The following LAT variants were observed in gnomAD, a reference collection of about 807,000 sequenced individuals.
The protein encoded by LAT is linker for activation of T-cells family member 1.
In LAT, 12 loss-of-function variants were observed where a neutral mutation model predicts 39.1. The observed-to-expected ratio is 0.31, with a 90% CI of 0.20 to 0.50. LAT has a LOEUF of 0.50. Ranked by LOEUF, LAT falls within the 20% of genes least tolerant of loss-of-function variation. The pLI is 0.98. For synonymous variants in LAT, 117 were observed against 123.8 expected (o/e 0.95, Z 0.36); for missense variants, 253 against 308.0 (o/e 0.82, Z 1.34).
Position 28,985,982 on chromosome 16 carries a change from T to C in LAT, c.163+94T>C. 6.7e-7 allele frequency: 1 copy of C among 1,493,256 alleles called. No individual in the cohort carries two copies. Among genetic ancestry groups the C allele is most frequent in the South Asian group, 1.1e-5 (1 of 88,624 alleles). The allele number at this position is 1,493,256 out of a possible 1,614,324, so 92.5% of individuals were successfully genotyped here. A position where few individuals can be genotyped will look rare whatever the true frequency, so the allele number is the denominator to read the frequency against. ...AACCTTCAGACTTCCCCTGCCACCT[T>C]GGGGCTGCCCACATGGCCTTGACCT... On this transcript the variant is annotated intron_variant, in intron 3 of 11. Transcript: ENST00000395456. This position sits in a 1 kb window ranked among gnomAD's most constrained non-coding sequence, Gnocchi z 4.6.
upstream of LAT, chr16:28,984,987 T>TGG: frequency 7.0e-7 from 1 of 1,438,124 alleles, no homozygotes; most frequent in Non-Finnish European, 9.2e-7. Flanking sequence ...GCGGGTGGGG[T>TGG]GGGAAGGGGG....
Position 28,989,978 on chromosome 16 carries a change from C to T in LAT, c.668C>T (p.Ala223Val). Residue 223 changes from alanine to valine, a missense_variant, in exon 11 of 12, where the codon GCT becomes GTT. Coordinates refer to ENST00000395456, the MANE Select transcript of LAT (RefSeq NM_001014987.2). ...GCAGAGGAAGTGGAGGAAGAGGGGG[C>T]TCCAGATTACGAGAATCTGCAGGAG... Reference protein sequence around the residue: ...QEAEEVEEEGAPDYENLQELN With the variant: ...QEAEEVEEEGVPDYENLQELN 6.2e-7 allele frequency: 1 copy of T among 1,613,820 alleles called. No homozygotes were observed. Among genetic ancestry groups the T allele is most frequent in the African/African-American group, 1.3e-5 (1 of 75,018 alleles).
rs746180846 is a variant in LAT at position 28,986,154 on chromosome 16, A to T, written c.183A>T (p.Pro61=). The change falls in exon 4 of 12, where the codon CCA becomes CCT. Residue 61 remains proline (P), a synonymous_variant. Coordinates refer to ENST00000395456, the MANE Select transcript of LAT (RefSeq NM_001014987.2). The surrounding 1 kb of genome is among the most constrained non-coding windows in gnomAD (Gnocchi z 5.7). ...FKRPHTVAPW[P]PAYPPVTSYP... The stretch of plus-strand genomic sequence containing the variant: ...CCTCAGACACGGTTGCCCCCTGGCC[A>T]CCTGCCTACCCACCTGTCACCTCCT... 1 of 1,600,946 alleles carries T rather than the reference A, an allele frequency of 6.2e-7. No individual in the cohort carries two copies. The highest frequency in any genetic ancestry group is 8.5e-7 in the Non-Finnish European group (1 of 1,173,788).
chr16:28,985,179 C>G lies in LAT; in HGVS notation c.-239C>G. ...TCAGCCCAGGCCCTGGTCTGACCAC[C>G]CTGGGAGCAGGGACTTTCCACAGTC... On this transcript the variant is annotated 5_prime_UTR_variant, in exon 1 of 12. Coordinates refer to ENST00000395456, the MANE Select transcript of LAT (RefSeq NM_001014987.2). This position sits in a 1 kb window ranked among gnomAD's most constrained non-coding sequence, Gnocchi z 4.6. 1 of 1,429,298 alleles carries G rather than the reference C, an allele frequency of 7.0e-7. No individual in the cohort carries two copies. The highest frequency in any genetic ancestry group is 9.1e-7 in the Non-Finnish European group (1 of 1,096,292). The allele number at this position is 1,429,298 out of a possible 1,614,324, so 88.5% of individuals were successfully genotyped here. A position where few individuals can be genotyped will look rare whatever the true frequency, so the allele number is the denominator to read the frequency against.
intron 8 of LAT, chr16:28,988,218 T>A (rs1412740453): frequency 6.6e-6 from 1 of 152,306 alleles, no homozygotes; most frequent in African/African-American, 2.4e-5. Context: ...GCCCGCGCCC[T>A]CCTGTGCTCC....
chr16:28,989,180 C>T lies in LAT; in HGVS notation c.494-347C>T, dbSNP rs577174147. On this transcript the variant is annotated intron_variant, in intron 8 of 11. Transcript: ENST00000395456. ...TGTCATGTCCCCTCCACACACGCCA[C>T]CAAACTCCCACTGCTCCGAGCCGCA... 63 of 230,948 alleles carry T rather than the reference C, an allele frequency of 2.7e-4. No individual in the cohort carries two copies. In the East Asian group the frequency reaches 6.1e-3, roughly 22 times the overall value. 14.3% of individuals were successfully genotyped at this position (230,948 alleles called of 1,614,324 possible). A position where few individuals can be genotyped will look rare whatever the true frequency, so the allele number is the denominator to read the frequency against.
Position 28,985,368 on chromosome 16 carries a change from C to T in LAT, c.-50C>T. The stretch of plus-strand genomic sequence containing the variant: ...CCATCTTCATCTGGCCTTGACTCTG[C>T]CCTTGAGGGGCCTAGGGGTGCAGCC... On this transcript the variant is annotated 5_prime_UTR_variant, in exon 1 of 12. Coordinates refer to ENST00000395456, the MANE Select transcript of LAT (RefSeq NM_001014987.2). The surrounding 1 kb of genome is among the most constrained non-coding windows in gnomAD (Gnocchi z 4.6). 3 of 1,609,688 alleles carry T rather than the reference C, an allele frequency of 1.9e-6. No individual in the cohort carries two copies. Among genetic ancestry groups the T allele is most frequent in the South Asian group, 2.2e-5 (2 of 90,612 alleles).
At chr16:28,989,219 C>T (rs776057955) in intron 8 of LAT, 3 of 320,336 alleles carry the variant, frequency 9.4e-6, no homozygotes, top group African/African-American at 2.1e-5. Context: ...CATCCCTGCT[C>T]CCCAGCCTAG....
rs988623570 is a variant in LAT, at chr16:28,986,049, G to A, written c.164-86G>A. On this transcript the variant is annotated intron_variant, in intron 3 of 11. Transcript: ENST00000395456. The surrounding 1 kb of genome is among the most constrained non-coding windows in gnomAD (Gnocchi z 5.7). The stretch of plus-strand genomic sequence containing the variant: ...GATGGCTCCCCCAGGCCTGTCCAGG[G>A]TGTGGGGCTTTCAGGGGCTTAGTCT... 42 of 1,393,538 alleles carry A rather than the reference G, an allele frequency of 3.0e-5. No homozygotes were observed. Among genetic ancestry groups the A allele is most frequent in the Non-Finnish European group, 4.0e-5 (40 of 988,958 alleles). The allele number at this position is 1,393,538 out of a possible 1,614,324, so 86.3% of individuals were successfully genotyped here.
At position 28,986,080 on chromosome 16, in the gene LAT, T is replaced by C; in HGVS notation, c.164-55T>C. 1 of 1,469,296 alleles carries C rather than the reference T, an allele frequency of 6.8e-7. No individual in the cohort carries two copies. Among genetic ancestry groups the C allele is most frequent in the South Asian group, 1.2e-5 (1 of 82,388 alleles). 91.0% of individuals were successfully genotyped at this position (1,469,296 alleles called of 1,614,324 possible). A position where few individuals can be genotyped will look rare whatever the true frequency, so the allele number is the denominator to read the frequency against. On this transcript the variant is annotated intron_variant, in intron 3 of 11. Coordinates refer to ENST00000395456, the MANE Select transcript of LAT (RefSeq NM_001014987.2). The surrounding 1 kb of genome is among the most constrained non-coding windows in gnomAD (Gnocchi z 5.7). ...GGCTTTCAGGGGCTTAGTCTGTTCT[T>C]TGAGGCCTTGACGATGTCCGGAGTC...
Position 28,985,754 on chromosome 16 carries a change from A to G in LAT, c.128+14A>G, listed in dbSNP as rs56197241. ...ATCCTCAGATAGGTGAGTCCGCCCC[A>G]GCCGCCCTGGGTCTCCCTCCACACC... On this transcript the variant is annotated intron_variant, in intron 2 of 11. Transcript: ENST00000395456. This position sits in a 1 kb window ranked among gnomAD's most constrained non-coding sequence, Gnocchi z 4.6. The G allele has an allele frequency of 2.5e-3, 4,060 of 1,613,988 alleles. 70 individuals carry two copies. In the East Asian group the frequency reaches 0.032, roughly 13 times the overall value.
Position 28,989,916 on chromosome 16 carries a change from C to A in LAT, c.623-17C>A. On this transcript the variant is annotated splice_polypyrimidine_tract_variant and intron_variant, in intron 10 of 11. Coordinates refer to ENST00000395456, the MANE Select transcript of LAT (RefSeq NM_001014987.2). ...GGATAGCTTGCAAGCTGGAGACCAA[C>A]CTCCCCTCCCTTACAGCCGCCCTGA... 1 of 1,613,676 alleles carries A rather than the reference C, an allele frequency of 6.2e-7. No homozygotes were observed.
In LAT at chr16:28,986,624, G is replaced by A; in HGVS notation, c.341-33G>A. The A allele has an allele frequency of 6.2e-7, 1 of 1,613,990 alleles. No homozygotes were observed. The highest frequency in any genetic ancestry group is 2.2e-5 in the East Asian group (1 of 44,868). ...GGGTGGGGAGTCTGGGGTCCGTCCT[G>A]GACTAGGCTGACCCCTGTGTCGTTA... On this transcript the variant is annotated intron_variant, in intron 6 of 11. Coordinates refer to ENST00000395456, the MANE Select transcript of LAT (RefSeq NM_001014987.2). This position sits in a 1 kb window ranked among gnomAD's most constrained non-coding sequence, Gnocchi z 5.7.
At position 28,985,845 on chromosome 16, in the gene LAT, C is replaced by T; in HGVS notation, c.129-9C>T. ...CAGCCCCATCCCCAAGCTGTGTCTC[C>T]TTTACCAGTTTGTATCCAAGGGGCA... On this transcript the variant is annotated splice_polypyrimidine_tract_variant and intron_variant, in intron 2 of 11. Coordinates refer to ENST00000395456, the MANE Select transcript of LAT (RefSeq NM_001014987.2). This position sits in a 1 kb window ranked among gnomAD's most constrained non-coding sequence, Gnocchi z 4.6. The T allele has an allele frequency of 6.2e-7, 1 of 1,614,122 alleles. No homozygotes were observed. Among genetic ancestry groups the T allele is most frequent in the Non-Finnish European group, 8.5e-7 (1 of 1,180,000 alleles).
In LAT at chr16:28,990,252, G is replaced by C. The variant is rs1262202589; in HGVS notation, c.*71G>C. 1 of 687,690 alleles carries C rather than the reference G, an allele frequency of 1.5e-6. No homozygotes were observed. The highest frequency in any genetic ancestry group is 1.5e-5 in the South Asian group (1 of 66,612). 42.6% of individuals were successfully genotyped at this position (687,690 alleles called of 1,614,324 possible). On this transcript the variant is annotated 3_prime_UTR_variant, in exon 12 of 12. Coordinates refer to ENST00000395456, the MANE Select transcript of LAT (RefSeq NM_001014987.2). Reference sequence around the variant, plus strand: ...ACGGCTGAGCTGGGCAGCTGGAAGTGGCTCTGGGGTCCTCACATGGCGTCC... The same window carrying C: ...ACGGCTGAGCTGGGCAGCTGGAAGTCGCTCTGGGGTCCTCACATGGCGTCC...
At position 28,986,733 on chromosome 16, in the gene LAT, G is replaced by A; in HGVS notation, c.398+19G>A. 6.2e-7 allele frequency: 1 copy of A among 1,611,016 alleles called. No homozygotes were observed. The highest frequency in any genetic ancestry group is 8.5e-7 in the Non-Finnish European group (1 of 1,177,940). ...GCTACCTGTGAGTGGCCAGGTGGGAGGTGGGAGGTGAGGGCTGAGGCTGTG... is the reference window on the plus strand; with the variant it reads ...GCTACCTGTGAGTGGCCAGGTGGGAAGTGGGAGGTGAGGGCTGAGGCTGTG... On this transcript the variant is annotated intron_variant, in intron 7 of 11. Transcript: ENST00000395456. This position sits in a 1 kb window ranked among gnomAD's most constrained non-coding sequence, Gnocchi z 5.7.
Position 28,985,584 on chromosome 16 carries a change from G to C in LAT, c.100+67G>C. On this transcript the variant is annotated intron_variant, in intron 1 of 11. Transcript: ENST00000395456. The surrounding 1 kb of genome is among the most constrained non-coding windows in gnomAD (Gnocchi z 4.6). ...CCGACGGGATCCTCATCCACTCCCAGCCCCTGTGTCTGTCCTGGCTCTGTC... is the reference window on the plus strand; with the variant it reads ...CCGACGGGATCCTCATCCACTCCCACCCCCTGTGTCTGTCCTGGCTCTGTC... 1 of 1,602,522 alleles carries C rather than the reference G, an allele frequency of 6.2e-7. No individual in the cohort carries two copies. The highest frequency in any genetic ancestry group is 8.5e-7 in the Non-Finnish European group (1 of 1,171,370).
chr16:28,989,228 A>C, intron 8 of LAT: 1 of 333,454 alleles, frequency 3.0e-6, no homozygotes, highest in Non-Finnish European at 5.5e-6. Flanking sequence ...TCCCCAGCCT[A>C]GGGGCTGTGC....
chr16:28,988,048 T>A (rs1333738919), intron 8 of LAT: 1 of 150,408 alleles, frequency 6.6e-6, no homozygotes, highest in Admixed American at 6.6e-5. Flanking sequence ...GACGAGATCA[T>A]GCCACTGCAC....
Sources: allele counts gnomAD v4.1 joint callset, GRCh38; gene constraint gnomAD v4.1.1; non-coding constraint Gnocchi (gnomAD v3.1); transcripts MANE v1.5; gene names NCBI Gene and HGNC (gene_info 2026-07-23, HGNC 2026-07-21).